Variants in AGTR1 observed in about 807,000 individuals in gnomAD.
The protein encoded by AGTR1 is type-1 angiotensin II receptor.
A neutral mutation model predicts 19.4 loss-of-function variants in AGTR1; 16 were observed. The observed-to-expected ratio is 0.82, with a 90% confidence interval of 0.56 to 1.25. The LOEUF (loss-of-function observed/expected upper bound fraction) is 1.25, where lower values mean the gene tolerates loss of function less well. AGTR1 is among the 50% of genes most tolerant of loss of function. AGTR1 has a pLI of 0.00. For synonymous variants in AGTR1, 153 were observed against 154.9 expected (o/e 0.99, Z 0.09); for missense variants, 373 against 431.9 (o/e 0.86, Z 1.21).
At chr3:148,739,706 A>C (rs2107972131) in intron 2 of AGTR1, 1 of 1,118,260 alleles carries the variant, frequency 8.9e-7, no homozygotes, top group East Asian at 3.2e-5. Context: ...AGTGAACACT[A>C]CTCTAAGAAC....
intron 1 of AGTR1, among the ~76,000 whole-genome samples, chr3:148,699,473 G>A (rs551204238): frequency 6.6e-6 from 1 of 152,066 alleles, no homozygotes; most frequent in Non-Finnish European, 1.5e-5. Flanking sequence ...TGTATTCCCG[G>A]GTGCCCTGGT....
intron 2 of AGTR1, among the ~76,000 whole-genome samples, chr3:148,711,050 T>C (rs1712953394): frequency 1.3e-5 from 2 of 152,206 alleles, no homozygotes; most frequent in African/African-American, 2.4e-5. Context: ...CAGTTAAAGC[T>C]CTTTTCTTTA....
In AGTR1 at chr3:148,712,049, A is replaced by T. The variant is rs139344259; in HGVS notation, c.-48+4022A>T. On this transcript the variant is annotated intron_variant, in intron 2 of 2. Coordinates refer to ENST00000349243, the MANE Select transcript of AGTR1 (RefSeq NM_000685.5). ...TTACAGGCATGAACCACTGCACCCA[A>T]CCAATATTAATATTTTTAACAATTG... Among the ~76,000 whole-genome samples the T allele has an allele frequency of 3.0e-3, 454 of 152,102 alleles. 4 individuals carry two copies. The highest frequency in any genetic ancestry group is 0.011 in the African/African-American group (440 of 41,512).
At chr3:148,717,713 G>A (rs541440554) in intron 2 of AGTR1, among the ~76,000 whole-genome samples, 29 of 152,118 alleles carry the variant, frequency 1.9e-4, no homozygotes, top group Non-Finnish European at 3.8e-4. Flanking sequence ...TAATTCATAT[G>A]CCACCAGCCA....
At chr3:148,726,792 CA>C (rs1043236650) in intron 2 of AGTR1, among the ~76,000 whole-genome samples, 1 of 152,144 alleles carries the variant, frequency 6.6e-6, no homozygotes, top group Non-Finnish European at 1.5e-5. Flanking sequence ...TTGCATATCA[CA>C]ACTTCAAATG....
At chr3:148,707,432 G>A (rs551328675) in intron 1 of AGTR1, among the ~76,000 whole-genome samples, 4 of 152,122 alleles carry the variant, frequency 2.6e-5, no homozygotes, top group South Asian at 4.2e-4. Context: ...ACATTTATAC[G>A]ACGCGTTAGC....
At chr3:148,731,737 ACT>A (rs1245491468) in intron 2 of AGTR1, among the ~76,000 whole-genome samples, 1 of 152,062 alleles carries the variant, frequency 6.6e-6, no homozygotes, top group Non-Finnish European at 1.5e-5. Context: ...GGCAGAGCAG[ACT>A]CTTTGCCAGG....
Position 148,741,890 on chromosome 3 carries a change from T to C in AGTR1, c.855T>C (p.Pro285=), listed in dbSNP as rs1064532. 6.2e-7 allele frequency: 1 copy of C among 1,614,196 alleles called. No individual in the cohort carries two copies. The highest frequency in any genetic ancestry group is 8.5e-7 in the Non-Finnish European group (1 of 1,180,028). ...RIADIVDTAM[P]ITICIAYFNN... is the part of the protein sequence containing the mutation. ...CAGATATTGTGGACACGGCCATGCC[T>C]ATCACCATTTGTATAGCTTATTTTA... Residue 285 remains proline, a synonymous_variant, in exon 3 of 3, where the codon CCT becomes CCC. Transcript: ENST00000349243.
At chr3:148,700,739 T>G (rs1712289084) in intron 1 of AGTR1, among the ~76,000 whole-genome samples, 1 of 152,196 alleles carries the variant, frequency 6.6e-6, no homozygotes, top group Non-Finnish European at 1.5e-5. Flanking sequence ...TGTGACCAAG[T>G]GTCCAAGCCC....
chr3:148,730,878 G>A (rs961488675), intron 2 of AGTR1, among the ~76,000 whole-genome samples: 1 of 152,138 alleles, frequency 6.6e-6, no homozygotes, highest in Non-Finnish European at 1.5e-5. Flanking sequence ...GGACGTCTGT[G>A]AGTAAAAGCA....
Position 148,741,197 on chromosome 3 carries a change from C to A in AGTR1, c.162C>A (p.Tyr54Ter). The change falls in exon 3 of 3, where the codon TAC becomes TAA. Residue 54 changes from tyrosine to a stop codon, truncating the protein, a stop_gained. Coordinates refer to ENST00000349243, the MANE Select transcript of AGTR1 (RefSeq NM_000685.5). LOFTEE classifies it high-confidence loss of function. Reference protein sequence around the residue: ...FGNSLVVIVIYFYMKLKTVAS... With the variant: ...FGNSLVVIVI The stretch of plus-strand genomic sequence containing the variant: ...ACAGCTTGGTGGTGATAGTCATTTA[C>A]TTTTATATGAAGCTGAAGACTGTGG... The A allele has an allele frequency of 1.2e-6, 2 of 1,614,140 alleles. No individual in the cohort carries two copies. Among genetic ancestry groups the A allele is most frequent in the Non-Finnish European group, 1.7e-6 (2 of 1,180,030 alleles).
Position 148,742,297 on chromosome 3 carries a change from C to A in AGTR1, c.*182C>A. The A allele has an allele frequency of 1.1e-6, 1 of 886,146 alleles. No homozygotes were observed. The highest frequency in any genetic ancestry group is 1.9e-6 in the Non-Finnish European group (1 of 532,164). 54.9% of individuals were successfully genotyped at this position (886,146 alleles called of 1,614,324 possible). A position where few individuals can be genotyped will look rare whatever the true frequency, so the allele number is the denominator to read the frequency against. On this transcript the variant is annotated 3_prime_UTR_variant, in exon 3 of 3. Transcript: ENST00000349243. ...CAAAAGCTTTTCTTTCCTTTTGCAA[C>A]AAGACAAAGCAAAGCCACATTTTGC...
chr3:148,703,529 G>A (rs1223682479), intron 1 of AGTR1, among the ~76,000 whole-genome samples: 1 of 152,144 alleles, frequency 6.6e-6, no homozygotes, highest in Admixed American at 6.5e-5. Flanking sequence ...ACAACGTTCA[G>A]TCTTTCTTTA....
At chr3:148,723,585 T>G (rs1470733769) in intron 2 of AGTR1, among the ~76,000 whole-genome samples, 1 of 152,164 alleles carries the variant, frequency 6.6e-6, no homozygotes, top group East Asian at 1.9e-4. Context: ...CTAAGAGATG[T>G]AACAGTATGC....
rs1712945951 is a variant in AGTR1, at chr3:148,710,896, TCC to T, written c.-48+2874_-48+2875del. 3.3e-5 allele frequency among the ~76,000 whole-genome samples: 5 copies of T among 152,010 alleles called. No homozygotes were observed. The South Asian group carries it at 1.0e-3, about 32-fold the overall frequency. Reference sequence around the variant, plus strand: ...GTTCTTGCTCTGAAACTGTGACACCTCCCCCCTCTCTCTCTTGCTCCTGCTCT... The same window carrying T: ...GTTCTTGCTCTGAAACTGTGACACCTCCCCTCTCTCTCTTGCTCCTGCTCT... On this transcript the variant is annotated intron_variant, in intron 2 of 2. Transcript: ENST00000349243.
intron 2 of AGTR1, among the ~76,000 whole-genome samples, chr3:148,733,555 GT>G (rs1053273939): frequency 1.3e-5 from 2 of 152,094 alleles, no homozygotes; most frequent in African/African-American, 4.8e-5. Context: ...AAAATCTGTA[GT>G]TTTTTTCACA....
At chr3:148,740,733 A>C (rs1714826502) in intron 2 of AGTR1, among the ~76,000 whole-genome samples, 1 of 152,240 alleles carries the variant, frequency 6.6e-6, no homozygotes, top group African/African-American at 2.4e-5. Flanking sequence ...GGACCTAGAT[A>C]GGTTTATTCA....
At chr3:148,706,744 AAAG>A (rs1712689491) in intron 1 of AGTR1, among the ~76,000 whole-genome samples, 3 of 152,186 alleles carry the variant, frequency 2.0e-5, no homozygotes, top group South Asian at 2.1e-4. Flanking sequence ...AAGAAAATGA[AAAG>A]AAGTTCAACC....
At chr3:148,729,478 G>A (rs1013318119) in intron 2 of AGTR1, among the ~76,000 whole-genome samples, 1 of 152,184 alleles carries the variant, frequency 6.6e-6, no homozygotes, top group African/African-American at 2.4e-5. Flanking sequence ...TTTAACTTCT[G>A]CTCAGACAGC....
Sources: allele counts gnomAD v4.1 joint callset (sites outside exome capture counted in the v4.1 genomes callset), GRCh38; gene constraint gnomAD v4.1.1; transcripts MANE v1.5; gene names NCBI Gene and HGNC (gene_info 2026-07-23, HGNC 2026-07-21).